RNF11: variants seen among roughly 807,000 people sequenced by gnomAD.
RNF11 encodes ring finger protein 11.
A neutral mutation model predicts 15.8 loss-of-function variants in RNF11; 4 were observed. The ratio of observed to expected loss-of-function variants is 0.25; its 90% CI spans 0.12 to 0.58. RNF11 has a LOEUF of 0.58. Among genes scored for constraint, RNF11 ranks in the 20% least tolerant of loss-of-function variants. The probability of loss-of-function intolerance (pLI) is 0.91; values close to 1 mark genes in which losing one functional copy is unlikely to be tolerated. For synonymous variants in RNF11, 68 were observed against 72.3 expected, an observed-to-expected ratio of 0.94 and a Z score of 0.30; for missense variants, 139 against 194.4, an observed-to-expected ratio of 0.71 and a Z score of 1.70.
At chr1:51,252,918 C>G (rs1403657398) in intron 1 of RNF11, among the ~76,000 whole-genome samples, 1 of 151,538 alleles carries the variant, frequency 6.6e-6, no homozygotes, top group African/African-American at 2.4e-5. Context: ...CCTCCACCTC[C>G]CAGGTTCAAG....
At chr1:51,262,102 G>A (rs1210759597) in intron 1 of RNF11, among the ~76,000 whole-genome samples, 1 of 152,104 alleles carries the variant, frequency 6.6e-6, no homozygotes. Flanking sequence ...TGATCCACCC[G>A]CCTTGGCCTC....
intron 1 of RNF11, among the ~76,000 whole-genome samples, chr1:51,246,665 T>C (rs1646852970): frequency 6.6e-6 from 1 of 152,208 alleles, no homozygotes; most frequent in South Asian, 2.1e-4. Context: ...GAGACCAGTC[T>C]AGGCAACACA....
In RNF11 at chr1:51,243,599, C is replaced by T. The variant is rs183995357; in HGVS notation, c.123+6720C>T. 2.0e-4 allele frequency among the ~76,000 whole-genome samples: 31 copies of T among 152,266 alleles called. No individual in the cohort carries two copies. In the South Asian group the frequency reaches 3.9e-3, roughly 19 times the overall value. On this transcript the variant is annotated intron_variant, in intron 1 of 2. Coordinates refer to ENST00000242719, the MANE Select transcript of RNF11 (RefSeq NM_014372.5). ...GATTACAGGCATGCGCCACCACACCCAGCTAATTTTTGTATTTTTAATAGA... is the reference window on the plus strand; with the variant it reads ...GATTACAGGCATGCGCCACCACACCTAGCTAATTTTTGTATTTTTAATAGA...
chr1:51,237,773 C>T (rs1646811870), intron 1 of RNF11, among the ~76,000 whole-genome samples: 1 of 152,052 alleles, frequency 6.6e-6, no homozygotes. Flanking sequence ...GTACTTTTTC[C>T]ATTTTAGATG....
chr1:51,260,562 A>AT (rs1646925528), intron 1 of RNF11, among the ~76,000 whole-genome samples: 1 of 152,192 alleles, frequency 6.6e-6, no homozygotes, highest in African/African-American at 2.4e-5. Context: ...ATTATTAGAT[A>AT]CGTTATTATA....
intron 1 of RNF11, chr1:51,250,794 C>G (rs1028944445): frequency 2.8e-6 from 4 of 1,421,966 alleles, no homozygotes; most frequent in Admixed American, 3.4e-5. Flanking sequence ...GGTGGCAGTG[C>G]AGCCCCAGGC....
intron 1 of RNF11, among the ~76,000 whole-genome samples, chr1:51,250,216 A>G (rs921727768): frequency 1.3e-5 from 2 of 152,216 alleles, no homozygotes; most frequent in Non-Finnish European, 2.9e-5. Flanking sequence ...GTGTTTTAAT[A>G]TATGTATACA....
rs1263782998 is a variant in RNF11, at chr1:51,270,116, A to C, written c.284A>C (p.Lys95Thr). 1 of 1,588,668 alleles carries C rather than the reference A, an allele frequency of 6.3e-7. No individual in the cohort carries two copies. Among genetic ancestry groups the C allele is most frequent in the East Asian group, 2.2e-5 (1 of 44,660 alleles). ...CCTGGAAGAGATGGATCAGAAAAAA[A>C]GATCCGGGAGTAAGTTTTAATTAAT... ...YDPGRDGSEK[K>T]IRECVICMMD... Residue 95 changes from lysine (K) to threonine (T), a missense_variant, in exon 2 of 3, where the codon AAG (lysine) becomes ACG (threonine). Coordinates refer to ENST00000242719, the MANE Select transcript of RNF11 (RefSeq NM_014372.5).
intron 1 of RNF11, among the ~76,000 whole-genome samples, chr1:51,253,403 G>A (rs536328446): frequency 6.6e-6 from 1 of 151,750 alleles, no homozygotes; most frequent in African/African-American, 2.4e-5. Flanking sequence ...TGCACCTGTA[G>A]TCCCAGCTAC....
chr1:51,250,518 A>G, intron 1 of RNF11: 1 of 543,674 alleles, frequency 1.8e-6, no homozygotes, highest in South Asian at 2.4e-5. Flanking sequence ...TTACACAAGT[A>G]TGTTGGAATT....
At chr1:51,253,727 G>T (rs1383978880) in intron 1 of RNF11, among the ~76,000 whole-genome samples, 1 of 152,096 alleles carries the variant, frequency 6.6e-6, no homozygotes, top group Non-Finnish European at 1.5e-5. Context: ...GCTATAATTT[G>T]CTCAACACTT....
At chr1:51,252,359 C>CT (rs1646883792) in intron 1 of RNF11, among the ~76,000 whole-genome samples, 1 of 152,014 alleles carries the variant, frequency 6.6e-6, no homozygotes, top group Non-Finnish European at 1.5e-5. Context: ...AGGTATATGT[C>CT]TTGGGAAGCC....
In RNF11 at chr1:51,236,412, C is replaced by G. The variant is rs559112157; in HGVS notation, c.-345C>G. The G allele has an allele frequency of 2.5e-4, 43 of 169,462 alleles. No homozygotes were observed. In the South Asian group the frequency reaches 3.7e-3, roughly 15 times the overall value. The allele number at this position is 169,462 out of a possible 1,614,324, so 10.5% of individuals were successfully genotyped here. A position where few individuals can be genotyped will look rare whatever the true frequency, so the allele number is the denominator to read the frequency against. ...GAGGCAGCCGCGACGGCCGCGCCCC[C>G]CCCCGCTGACCTGGATTAGGCCCAG... On this transcript the variant is annotated 5_prime_UTR_variant, in exon 1 of 3. Coordinates refer to ENST00000242719, the MANE Select transcript of RNF11 (RefSeq NM_014372.5).
At chr1:51,259,083 C>A (rs2148071587) in intron 1 of RNF11, among the ~76,000 whole-genome samples, 1 of 152,278 alleles carries the variant, frequency 6.6e-6, no homozygotes, top group African/African-American at 2.4e-5. Context: ...AGATCCTAAG[C>A]CAGTGGTTCT....
intron 1 of RNF11, 27 bp downstream of exon 1, chr1:51,236,906 G>A: frequency 6.3e-7 from 1 of 1,591,188 alleles, no homozygotes; most frequent in East Asian, 2.3e-5. Context: ...GTTGGGGGGA[G>A]CGAGTAGAGG....
intron 1 of RNF11, among the ~76,000 whole-genome samples, chr1:51,267,946 G>A (rs1331634843): frequency 2.0e-5 from 3 of 152,206 alleles, no homozygotes; most frequent in Admixed American, 6.5e-5. Flanking sequence ...GGCCAGGCTG[G>A]TCTCGAACTC....
At chr1:51,248,096 C>CTTTTTTTTTTTT (rs1157196813) in intron 1 of RNF11, among the ~76,000 whole-genome samples, 3 of 91,698 alleles carry the variant, frequency 3.3e-5, no homozygotes, top group African/African-American at 7.6e-5. Flanking sequence ...CTAGTTTCTT[C>CTTTTTTTTTTTT]TTTTTTTTTT....
Position 51,236,750 on chromosome 1 carries a change from C to A in RNF11, c.-7C>A. 6.2e-7 allele frequency: 1 copy of A among 1,612,958 alleles called. No individual in the cohort carries two copies. Among genetic ancestry groups the A allele is most frequent in the South Asian group, 1.1e-5 (1 of 90,982 alleles). ...CTCCCCCAGATCACGCACCCCAGCT[C>A]CGGAAGATGGGGAACTGCCTCAAAT... On this transcript the variant is annotated 5_prime_UTR_variant, in exon 1 of 3. Coordinates refer to ENST00000242719, the MANE Select transcript of RNF11 (RefSeq NM_014372.5).
At chr1:51,258,490 A>G (rs1319628540) in intron 1 of RNF11, among the ~76,000 whole-genome samples, 1 of 152,202 alleles carries the variant, frequency 6.6e-6, no homozygotes, top group Non-Finnish European at 1.5e-5. Flanking sequence ...CAGGAGAGGA[A>G]TGAGATACTG....
Sources: allele counts gnomAD v4.1 joint callset (sites outside exome capture counted in the v4.1 genomes callset), GRCh38; gene constraint gnomAD v4.1.1; transcripts MANE v1.5; gene names NCBI Gene and HGNC (gene_info 2026-07-23, HGNC 2026-07-21).